FOXN3: variants seen among roughly 807,000 people sequenced by gnomAD.
The protein encoded by FOXN3 is forkhead box protein N3.
Under a neutral mutation model 38.4 loss-of-function variants are expected in FOXN3, and 7 were observed. That is an observed-to-expected ratio of 0.18 (90% CI 0.10 to 0.34). FOXN3 has a LOEUF of 0.34. Among genes scored for constraint, FOXN3 ranks in the 10% least tolerant of loss-of-function variants. The probability of loss-of-function intolerance (pLI) is 1.00; values close to 1 mark genes in which losing one functional copy is unlikely to be tolerated. For synonymous variants in FOXN3, 230 were observed against 242.2 expected (o/e 0.95, Z 0.47); for missense variants, 456 against 613.4 (o/e 0.74, Z 2.71).
At chr14:89,569,020 C>T (rs148265402) in intron 1 of FOXN3, among the ~76,000 whole-genome samples, 1,799 of 152,260 alleles carry the variant, frequency 0.012, 20 homozygotes, top group Middle Eastern at 0.02. Context: ...CCGGCTAACA[C>T]GGTGAAACCC....
chr14:89,201,404 G>C lies in FOXN3; in HGVS notation c.746-20598C>G, dbSNP rs145514079. On this transcript the variant is annotated intron_variant, in intron 4 of 5. Coordinates refer to ENST00000557258, the MANE Select transcript of FOXN3 (RefSeq NM_005197.4). ...TTTGAAAATGTCCTGCTTGCTCCTG[G>C]TTTCTTCATCCAGTGTTACAGCTGA... 7.8e-3 allele frequency among the ~76,000 whole-genome samples: 1,182 copies of C among 152,294 alleles called. 17 individuals are homozygous for C. The highest frequency in any genetic ancestry group is 0.027 in the African/African-American group (1,107 of 41,562).
intron 3 of FOXN3, among the ~76,000 whole-genome samples, chr14:89,311,866 T>C (rs1266765713): frequency 1.3e-5 from 2 of 152,016 alleles, no homozygotes; most frequent in Admixed American, 6.6e-5. Context: ...ACTACACACC[T>C]ACCTCTGTGA....
chr14:89,521,351 T>TGATAGATA (rs749255133), intron 1 of FOXN3, among the ~76,000 whole-genome samples: 1 of 91,232 alleles, frequency 1.1e-5, no homozygotes, highest in Non-Finnish European at 2.3e-5. Flanking sequence ...TCTTCATAGA[T>TGATAGATA]GATAGATAGA....
chr14:89,495,820 T>C (rs1175751509), intron 1 of FOXN3, among the ~76,000 whole-genome samples: 4 of 152,208 alleles, frequency 2.6e-5, no homozygotes, highest in African/African-American at 9.7e-5. Context: ...TCACAGAAGA[T>C]ACACTGAGGC....
At chr14:89,241,749 G>A (rs1485860961) in intron 4 of FOXN3, among the ~76,000 whole-genome samples, 1 of 152,144 alleles carries the variant, frequency 6.6e-6, no homozygotes, top group Non-Finnish European at 1.5e-5. Flanking sequence ...GATACAGCAC[G>A]TGGAACCCTG....
intron 4 of FOXN3, among the ~76,000 whole-genome samples, chr14:89,195,405 TG>T (rs1390368346): frequency 6.6e-6 from 1 of 152,260 alleles, no homozygotes; most frequent in African/African-American, 2.4e-5. Context: ...GAGAGACTAC[TG>T]GTGGTTTACC....
At chr14:89,499,494 CATT>C (rs999677162) in intron 1 of FOXN3, among the ~76,000 whole-genome samples, 1 of 149,978 alleles carries the variant, frequency 6.7e-6, no homozygotes, top group Non-Finnish European at 1.5e-5. Context: ...GTGTCTTTGG[CATT>C]ATAAGGTTTG....
chr14:89,404,026 GCAGT>G (rs1302211077), intron 2 of FOXN3, among the ~76,000 whole-genome samples: 1 of 152,202 alleles, frequency 6.6e-6, no homozygotes, highest in East Asian at 1.9e-4. Context: ...TGCCTTACAG[GCAGT>G]GGCCATGGTA....
At chr14:89,284,608 T>C in intron 3 of FOXN3, 3 of 455,538 alleles carry the variant, frequency 6.6e-6, no homozygotes, top group Non-Finnish European at 1.3e-5. Flanking sequence ...AGACTAACCA[T>C]ATGTGAAAGA....
intron 2 of FOXN3, among the ~76,000 whole-genome samples, chr14:89,374,366 A>T (rs1040278570): frequency 6.6e-6 from 1 of 151,894 alleles, no homozygotes; most frequent in African/African-American, 2.4e-5. Context: ...AAACAGTTGG[A>T]CAATTTCTTA....
At chr14:89,341,411 A>C (rs1176016131) in intron 3 of FOXN3, among the ~76,000 whole-genome samples, 2 of 152,218 alleles carry the variant, frequency 1.3e-5, no homozygotes, top group Non-Finnish European at 2.9e-5. Context: ...GTTCTTCAAC[A>C]GTAACACATG....
chr14:89,577,408 ACCC>A (rs1895655659), intron 1 of FOXN3: 1 of 151,942 alleles, frequency 6.6e-6, no homozygotes, highest in Non-Finnish European at 1.5e-5. Context: ...CTTCTGGAAA[ACCC>A]CAAAAAGACC....
chr14:89,177,236 C>T (rs907828579), intron 5 of FOXN3, among the ~76,000 whole-genome samples: 1 of 152,108 alleles, frequency 6.6e-6, no homozygotes, highest in African/African-American at 2.4e-5. Flanking sequence ...GTCTTGAACT[C>T]CTGACCTCAG....
At chr14:89,520,138 T>G (rs1894290185) in intron 1 of FOXN3, among the ~76,000 whole-genome samples, 1 of 151,190 alleles carries the variant, frequency 6.6e-6, no homozygotes. Flanking sequence ...CTTAGCCTCC[T>G]GAGTAACTGG....
upstream of FOXN3, chr14:89,419,243 T>C (rs1320603848): frequency 4.4e-6 from 2 of 454,666 alleles, no homozygotes; most frequent in African/African-American, 2.0e-5. Flanking sequence ...AGGGGACACA[T>C]GTCTGCCTGT....
At chr14:89,207,935 TA>T (rs537433940) in intron 4 of FOXN3, among the ~76,000 whole-genome samples, 83 of 151,394 alleles carry the variant, frequency 5.5e-4, no homozygotes, top group African/African-American at 2.0e-3. Context: ...ACCTGGTGCT[TA>T]AACAGCGTGA....
In FOXN3 at chr14:89,428,736, G is replaced by A. The variant is rs576957223; in HGVS notation, c.-14-16246C>T. Among the ~76,000 whole-genome samples, 13 of 152,346 alleles carry A rather than the reference G, an allele frequency of 8.5e-5. No homozygotes were observed. The South Asian group carries it at 1.7e-3, about 19-fold the overall frequency. On this transcript the variant is annotated intron_variant, in intron 1 of 6. Transcript: ENST00000345097. ...TGAGTGCCTGTTGCTCGCAGCAGACGTCAGAGAGACCTCAGCGCAGGGGTC... is the reference window on the plus strand; with the variant it reads ...TGAGTGCCTGTTGCTCGCAGCAGACATCAGAGAGACCTCAGCGCAGGGGTC...
chr14:89,197,522 C>A (rs955557711), intron 4 of FOXN3, among the ~76,000 whole-genome samples: 1 of 151,202 alleles, frequency 6.6e-6, no homozygotes, highest in Non-Finnish European at 1.5e-5. Context: ...AAAAAGAGCA[C>A]GGGTACATGG....
chr14:89,571,876 A>T (rs1895504686), intron 1 of FOXN3, among the ~76,000 whole-genome samples: 1 of 152,246 alleles, frequency 6.6e-6, no homozygotes, highest in Admixed American at 6.5e-5. Context: ...GGTATTACTG[A>T]GTAGCATGGT....
Sources: gnomAD v4.1 joint callset for allele counts (sites outside exome capture counted in the v4.1 genomes callset) on GRCh38, gnomAD v4.1.1 for gene constraint, MANE v1.5 for transcripts, NCBI Gene and HGNC (gene_info 2026-07-23, HGNC 2026-07-21) for gene names.